Variants in LSM14A observed in about 807,000 individuals in gnomAD.
LSM14A encodes LSM14A mRNA processing body assembly factor.
A neutral mutation model predicts 52.4 loss-of-function variants in LSM14A; 14 were observed. That is an observed-to-expected ratio of 0.27 (90% confidence interval 0.18 to 0.42). LSM14A has a LOEUF of 0.42. Ranked by LOEUF, LSM14A falls within the 10% of genes least tolerant of loss-of-function variation. The pLI, the probability that LSM14A is intolerant of heterozygous loss-of-function variation, is 1.00. For synonymous variants in LSM14A, 185 were observed against 200.3 expected (o/e 0.92, Z 0.64); for missense variants, 417 against 581.8 (o/e 0.72, Z 2.91).
At chr19:34,218,519 A>G (rs1013270333) in intron 6 of LSM14A, among the ~76,000 whole-genome samples, 5 of 152,140 alleles carry the variant, frequency 3.3e-5, no homozygotes, top group Admixed American at 1.3e-4. Context: ...CCCTGTAGTC[A>G]CTTCTCATCC....
At chr19:34,176,218 G>C (rs1012260377) in intron 1 of LSM14A, among the ~76,000 whole-genome samples, 3 of 151,918 alleles carry the variant, frequency 2.0e-5, no homozygotes, top group African/African-American at 7.3e-5. Flanking sequence ...CCCTGTTACT[G>C]TTTTTAAACT....
chr19:34,192,703 G>A (rs113969273), intron 1 of LSM14A, among the ~76,000 whole-genome samples: 4,741 of 149,460 alleles, frequency 0.032, 227 homozygotes, highest in African/African-American at 0.11. Context: ...GGCCAGGCGC[G>A]GTAGCTCACG....
chr19:34,216,412 C>CA (rs561861445), intron 6 of LSM14A, among the ~76,000 whole-genome samples: 271 of 135,818 alleles, frequency 2.0e-3, no homozygotes, highest in African/African-American at 4.4e-3. Context: ...GACTCTGTCT[C>CA]AAAAAAAAAA....
intron 3 of LSM14A, among the ~76,000 whole-genome samples, chr19:34,199,711 A>G (rs1369118588): frequency 1.3e-5 from 2 of 152,210 alleles, no homozygotes; most frequent in East Asian, 3.8e-4. Flanking sequence ...TTAGTTTCTA[A>G]ATACCACTCC....
chr19:34,219,796 A>G lies in LSM14A; in HGVS notation c.1055A>G (p.Asp352Gly). The G allele has an allele frequency of 6.2e-7, 1 of 1,613,722 alleles. No individual in the cohort carries two copies. ...ACCCAAAACAGTGAAGGAAATGCCG[A>G]TGAAGAAGATCCACTTGGACCTAAT... is the stretch of plus-strand genomic sequence containing the variant. Reference protein sequence around the residue: ...VDTQNSEGNADEEDPLGPNCY... With the variant: ...VDTQNSEGNAGEEDPLGPNCY... Residue 352 changes from aspartate to glycine, a missense_variant, in exon 8 of 10, where the codon GAT (aspartate) becomes GGT (glycine). By Grantham distance (94) the Asp-to-Gly change is moderately conservative. Around this residue, in one of 2 missense-constraint regions of LSM14A, gnomAD observed 357 missense variants for 457.0 expected, o/e 0.78. Transcript: ENST00000544216.
At chr19:34,217,612 C>G (rs1353919034) in intron 6 of LSM14A, among the ~76,000 whole-genome samples, 11 of 55,644 alleles carry the variant, frequency 2.0e-4, no homozygotes, top group Admixed American at 1.7e-3. Context: ...ATATCCCCCC[C>G]CCCCGTGTTT....
intron 9 of LSM14A, among the ~76,000 whole-genome samples, chr19:34,223,938 C>T (rs980849262): frequency 1.3e-5 from 2 of 152,152 alleles, no homozygotes; most frequent in African/African-American, 4.8e-5. Flanking sequence ...AGAGGTCTGA[C>T]CTGGTTAAAA....
At chr19:34,217,624 T>G (rs1223053344) in intron 6 of LSM14A, among the ~76,000 whole-genome samples, 5 of 109,496 alleles carry the variant, frequency 4.6e-5, no homozygotes, top group South Asian at 4.3e-4. Flanking sequence ...CCCGTGTTTT[T>G]TTTTTTTTTT....
intron 1 of LSM14A, among the ~76,000 whole-genome samples, chr19:34,173,813 G>C (rs191416546): frequency 2.0e-5 from 3 of 150,238 alleles, no homozygotes; most frequent in East Asian, 3.9e-4. Flanking sequence ...GGATAGGTTA[G>C]GTCCAAGGAT....
intron 6 of LSM14A, among the ~76,000 whole-genome samples, chr19:34,216,633 T>TATTTTTACAA (rs910915791): frequency 2.0e-5 from 3 of 152,058 alleles, no homozygotes; most frequent in African/African-American, 7.2e-5. Flanking sequence ...CTAATTTTTG[T>TATTTTTACAA]ATTTTTAGTA....
chr19:34,210,490 T>G (rs1222744612), intron 4 of LSM14A, among the ~76,000 whole-genome samples: 2 of 152,228 alleles, frequency 1.3e-5, no homozygotes, highest in Non-Finnish European at 2.9e-5. Flanking sequence ...CAGGCTGGTC[T>G]CAAACTCCTG....
At chr19:34,199,273 C>T (rs1299732608) in intron 3 of LSM14A, among the ~76,000 whole-genome samples, 9 of 152,096 alleles carry the variant, frequency 5.9e-5, no homozygotes, top group African/African-American at 2.2e-4. Flanking sequence ...TATAGGCATG[C>T]ACCACCACTC....
intron 3 of LSM14A, among the ~76,000 whole-genome samples, chr19:34,198,950 G>A (rs1464702000): frequency 1.3e-5 from 2 of 151,792 alleles, no homozygotes; most frequent in African/African-American, 2.4e-5. Context: ...TCGTACCACT[G>A]CACTCCAGCC....
chr19:34,206,630 G>A (rs889499342), intron 3 of LSM14A, among the ~76,000 whole-genome samples: 5 of 152,046 alleles, frequency 3.3e-5, no homozygotes, highest in African/African-American at 1.2e-4. Flanking sequence ...AGCTGAGATC[G>A]CGCCACTGCA....
In LSM14A at chr19:34,204,215, A is replaced by G. The variant is rs551694207; in HGVS notation, c.416-4714A>G. ...TTAAGTAGACATGAACTGCTCAACA[A>G]TATAGACCAAATGCTGGACCATAAA... On this transcript the variant is annotated intron_variant, in intron 3 of 9. Coordinates refer to ENST00000544216, the MANE Select transcript of LSM14A (RefSeq NM_015578.4). 4.6e-5 allele frequency among the ~76,000 whole-genome samples: 7 copies of G among 152,354 alleles called. No individual in the cohort carries two copies. The South Asian group carries it at 1.4e-3, about 32-fold the overall frequency.
intron 3 of LSM14A, among the ~76,000 whole-genome samples, chr19:34,198,003 T>TG (rs1337116207): frequency 6.7e-6 from 1 of 149,700 alleles, no homozygotes; most frequent in African/African-American, 2.5e-5. Context: ...GTTTAAACCA[T>TG]GGTAAAGAAC....
At chr19:34,215,001 T>G (rs2072469228) in intron 4 of LSM14A, 123 bp from the exon 5 acceptor site, 4 of 623,648 alleles carry the variant, frequency 6.4e-6, no homozygotes, top group Non-Finnish European at 1.1e-5. Context: ...ATAAGTGGAT[T>G]AATTCAAATT....
In LSM14A at chr19:34,175,805, A is replaced by G. The variant is rs372747639; in HGVS notation, c.121+3042A>G. 1.5e-4 allele frequency among the ~76,000 whole-genome samples: 23 copies of G among 152,286 alleles called. No homozygotes were observed. In the South Asian group the frequency reaches 2.3e-3, roughly 15 times the overall value. On this transcript the variant is annotated intron_variant, in intron 1 of 9. Coordinates refer to ENST00000544216, the MANE Select transcript of LSM14A (RefSeq NM_015578.4). ...TTCCATTTCAAAATTTGAACGAAGA[A>G]TGGTAGTCTAAAAGATTAAAGCCAA...
chr19:34,198,966 G>A (rs906596937), intron 3 of LSM14A, among the ~76,000 whole-genome samples: 5 of 151,894 alleles, frequency 3.3e-5, no homozygotes, highest in African/African-American at 7.2e-5. Context: ...CAGCCTGGGC[G>A]ACAGAGTGAG....
Sources: allele counts gnomAD v4.1 joint callset (sites outside exome capture counted in the v4.1 genomes callset), GRCh38; gene constraint gnomAD v4.1.1; regional missense constraint gnomAD v4.1.1; transcripts MANE v1.5; gene names NCBI Gene and HGNC (gene_info 2026-07-23, HGNC 2026-07-21).